KPNA1: variants seen among roughly 807,000 people sequenced by gnomAD.
KPNA1 encodes importin subunit alpha-5.
Under a neutral mutation model 70.5 loss-of-function variants are expected in KPNA1, and 10 were observed. The observed-to-expected ratio is 0.14, with a 90% CI of 0.09 to 0.24. The LOEUF is 0.24. Among genes scored for constraint, KPNA1 ranks in the 10% least tolerant of loss-of-function variants. The probability of loss-of-function intolerance (pLI) is 1.00; values close to 1 mark genes in which losing one functional copy is unlikely to be tolerated. For synonymous variants in KPNA1, 192 were observed against 221.9 expected (o/e 0.87, Z 1.20); for missense variants, 397 against 637.9 (o/e 0.62, Z 4.07).
chr3:122,474,123 T>C (rs1349692614), intron 2 of KPNA1, among the ~76,000 whole-genome samples: 1 of 152,114 alleles, frequency 6.6e-6, no homozygotes, highest in Non-Finnish European at 1.5e-5. Context: ...AAAAACAGAA[T>C]ACTTAGGTAT....
At position 122,426,239 on chromosome 3, in the gene KPNA1, C is replaced by T. The variant is rs2075821349; in HGVS notation, c.*746G>A. ...AGACCAAAGAGAAGCAAAAGCGATA[C>T]AAATTAATATGTGCCCCTCTCCTTT... On this transcript the variant is annotated 3_prime_UTR_variant, in exon 14 of 14. Coordinates refer to ENST00000344337, the MANE Select transcript of KPNA1 (RefSeq NM_002264.4). The T allele has an allele frequency of 6.6e-6, 1 of 152,602 alleles. No homozygotes were observed. Among genetic ancestry groups the T allele is most frequent in the Admixed American group, 6.5e-5 (1 of 15,280 alleles). The allele number at this position is 152,602 out of a possible 1,614,324, so 9.5% of individuals were successfully genotyped here.
chr3:122,449,796 A>T, intron 8 of KPNA1, 59 bp from the exon 9 acceptor site: 1 of 1,441,442 alleles, frequency 6.9e-7, no homozygotes, highest in Non-Finnish European at 9.5e-7. Context: ...AAGTGAGGTG[A>T]GATACTCAAG....
chr3:122,502,471 T>C (rs2076839897), intron 1 of KPNA1, among the ~76,000 whole-genome samples: 1 of 152,154 alleles, frequency 6.6e-6, no homozygotes, highest in Non-Finnish European at 1.5e-5. Flanking sequence ...TGCAGCTGTC[T>C]GCAAGCAAAA....
At chr3:122,427,245 CCTAAA>C in intron 13 of KPNA1, 73 bp from the exon 14 acceptor site, 16 of 1,091,978 alleles carry the variant, frequency 1.5e-5, no homozygotes, top group Non-Finnish European at 2.0e-5. Context: ...ACTATATATT[CCTAAA>C]CTATATTTTG....
At chr3:122,442,810 T>C (rs906227697) in intron 9 of KPNA1, 2 of 152,220 alleles carry the variant, frequency 1.3e-5, no homozygotes, top group Non-Finnish European at 2.9e-5. Context: ...CATGTGATGA[T>C]TAAAAAGAAA....
chr3:122,493,413 A>AT (rs968289266), intron 2 of KPNA1, among the ~76,000 whole-genome samples: 5 of 151,954 alleles, frequency 3.3e-5, no homozygotes, highest in African/African-American at 9.7e-5. Context: ...GGAAAAACAG[A>AT]TTGAGAAACA....
At chr3:122,507,109 T>C (rs896576027) in intron 1 of KPNA1, among the ~76,000 whole-genome samples, 1 of 152,196 alleles carries the variant, frequency 6.6e-6, no homozygotes, top group South Asian at 2.1e-4. Flanking sequence ...CAACCTACAC[T>C]ATTCTCTATA....
rs190290668 is a variant in KPNA1 at position 122,431,354 on chromosome 3, T to C, written c.1250+2307A>G. On this transcript the variant is annotated intron_variant, in intron 12 of 13. Coordinates refer to ENST00000344337, the MANE Select transcript of KPNA1 (RefSeq NM_002264.4). The stretch of plus-strand genomic sequence containing the variant: ...CTAATTTTTGTAGAGACAAGGTTTC[T>C]CCATGTTAGCTAGGCTGGTCTCGAA... Among the ~76,000 whole-genome samples, 713 of 152,206 alleles carry C rather than the reference T, an allele frequency of 4.7e-3. 7 individuals are homozygous for C. Among genetic ancestry groups the C allele is most frequent in the African/African-American group, 0.016 (676 of 41,532 alleles).
chr3:122,451,762 TC>T, intron 7 of KPNA1, 129 bp from the exon 8 acceptor site: 2 of 716,682 alleles, frequency 2.8e-6, no homozygotes, highest in African/African-American at 1.8e-5. Flanking sequence ...CATTAAAACT[TC>T]ATTAATTCTG....
intron 1 of KPNA1, among the ~76,000 whole-genome samples, chr3:122,501,030 CTTT>C (rs112073834): frequency 8.7e-5 from 11 of 126,852 alleles, no homozygotes; most frequent in Non-Finnish European, 1.3e-4. Flanking sequence ...CTTTTCTTTC[CTTT>C]TTTTTTTTTT....
intron 2 of KPNA1, among the ~76,000 whole-genome samples, chr3:122,491,337 T>A (rs190318146): frequency 4.8e-4 from 73 of 152,306 alleles, no homozygotes; most frequent in African/African-American, 1.7e-3. Context: ...ATATTTGACT[T>A]AGAACAGCAA....
At position 122,462,998 on chromosome 3, in the gene KPNA1, G is replaced by A. The variant is rs535396600; in HGVS notation, c.337+944C>T. On this transcript the variant is annotated intron_variant, in intron 4 of 13. Coordinates refer to ENST00000344337, the MANE Select transcript of KPNA1 (RefSeq NM_002264.4). The stretch of plus-strand genomic sequence containing the variant: ...AGTATTTTGGGAGGCAGAGGCAGAC[G>A]GATCATGATAGGATATCGAGATCAT... Among the ~76,000 whole-genome samples the A allele has an allele frequency of 5.3e-5, 8 of 152,162 alleles. No individual in the cohort carries two copies. In the East Asian group the frequency reaches 1.5e-3, roughly 29 times the overall value.
intron 1 of KPNA1, among the ~76,000 whole-genome samples, chr3:122,505,904 C>T (rs1267992952): frequency 6.6e-6 from 1 of 152,228 alleles, no homozygotes; most frequent in Non-Finnish European, 1.5e-5. Flanking sequence ...ACTCTTTGCT[C>T]CTCAATTCAT....
At chr3:122,487,033 C>T (rs914442411) in intron 2 of KPNA1, among the ~76,000 whole-genome samples, 1 of 152,064 alleles carries the variant, frequency 6.6e-6, no homozygotes, top group Non-Finnish European at 1.5e-5. Flanking sequence ...GACCTTCCAG[C>T]GAATAAAAGC....
Position 122,424,779 on chromosome 3 carries a change from CAT to C in KPNA1, c.*2204_*2205del, listed in dbSNP as rs370698924. ...AATTTAAAACATCCTATAGAAATGA[CAT>C]GTTACTAGTAATTTACAATTTTAAA... On this transcript the variant is annotated 3_prime_UTR_variant, in exon 14 of 14. Transcript: ENST00000344337. 263 of 152,686 alleles carry C rather than the reference CAT, an allele frequency of 1.7e-3. 1 individual carries two copies. Among genetic ancestry groups the C allele is most frequent in the African/African-American group, 6.0e-3 (249 of 41,538 alleles). 9.5% of individuals were successfully genotyped at this position (152,686 alleles called of 1,614,324 possible).
At chr3:122,495,292 C>CA (rs1450317959) in intron 2 of KPNA1, among the ~76,000 whole-genome samples, 5 of 118,316 alleles carry the variant, frequency 4.2e-5, no homozygotes, top group East Asian at 3.0e-4. Flanking sequence ...GAAATTCACC[C>CA]AAAAAACAGA....
Position 122,453,937 on chromosome 3 carries a change from A to G in KPNA1, c.497T>C (p.Ile166Thr). 2 of 1,613,582 alleles carry G rather than the reference A, an allele frequency of 1.2e-6. No homozygotes were observed. The highest frequency in any genetic ancestry group is 1.7e-6 in the Non-Finnish European group (2 of 1,179,556). The part of the protein sequence containing the change: ...SGNSLQTRIV[I>T]QAGAVPIFIE... Reference sequence around the variant, plus strand: ...GAAGATGGGCACAGCTCCTGCCTGAATCACAATTCGGGTCTGAAGAGAATT... The same window carrying G: ...GAAGATGGGCACAGCTCCTGCCTGAGTCACAATTCGGGTCTGAAGAGAATT... Residue 166 changes from isoleucine to threonine, a missense_variant, in exon 6 of 14, where the codon ATT (isoleucine) becomes ACT (threonine). By Grantham distance (89) the Ile-to-Thr change is moderately conservative. Transcript: ENST00000344337.
intron 11 of KPNA1, among the ~76,000 whole-genome samples, chr3:122,435,309 A>G (rs1469412596): frequency 6.6e-6 from 1 of 152,112 alleles, no homozygotes; most frequent in East Asian, 1.9e-4. Flanking sequence ...CCACTGTTCC[A>G]TCCTTGAACA....
chr3:122,496,344 A>ACACACACACACACACACC lies in KPNA1; in HGVS notation c.129+92_129+93insGGTGTGTGTGTGTGTGTG, dbSNP rs1429340895. The ACACACACACACACACACC allele has an allele frequency of 5.1e-4, 587 of 1,160,760 alleles. 4 individuals carry two copies. In the African/African-American group the frequency reaches 8.2e-3, roughly 16 times the overall value. The allele number at this position is 1,160,760 out of a possible 1,614,324, so 71.9% of individuals were successfully genotyped here. On this transcript the variant is annotated intron_variant, in intron 2 of 13. Coordinates refer to ENST00000344337, the MANE Select transcript of KPNA1 (RefSeq NM_002264.4). ...AACACACACACACACACACACACACACACACCCCAACTTTGCTAAAATGAA... is the reference window on the plus strand; with the variant it reads ...AACACACACACACACACACACACACACACACACACACACACACCCACACCCCAACTTTGCTAAAATGAA...
Sources: gnomAD v4.1 joint callset for allele counts (sites outside exome capture counted in the v4.1 genomes callset) on GRCh38, gnomAD v4.1.1 for gene constraint, MANE v1.5 for transcripts, NCBI Gene and HGNC (gene_info 2026-07-23, HGNC 2026-07-21) for gene names.